ABCB11: variants seen among roughly 807,000 people sequenced by gnomAD.
ABCB11 encodes bile salt export pump.
A neutral mutation model predicts 148.0 loss-of-function variants in ABCB11; 95 were observed. The ratio of observed to expected loss-of-function variants is 0.64; its 90% CI spans 0.54 to 0.76. ABCB11 has a LOEUF of 0.76. Among genes scored for constraint, ABCB11 ranks in the 30% least tolerant of loss-of-function variants. The probability of loss-of-function intolerance (pLI) is 0.00; values close to 1 mark genes in which losing one functional copy is unlikely to be tolerated. For missense variants in ABCB11, 1,523 were observed against 1,617.8 expected (o/e 0.94, Z 1.01); for synonymous variants, 591 against 555.4 (o/e 1.06, Z -0.90).
At chr2:168,924,541 C>A in intron 27 of ABCB11, 116 bp downstream of exon 27, 1 of 999,416 alleles carries the variant, frequency 1.0e-6, no homozygotes, top group Non-Finnish European at 1.4e-6. Context: ...AAAGTATTGC[C>A]AATTTCTACT....
rs764456928 is a variant in ABCB11, at chr2:168,969,505, G to A, written c.1856C>T (p.Thr619Met). The change falls in exon 16 of 28, where the codon ACG (threonine) becomes ATG (methionine). Residue 619 changes from threonine (T) to methionine (M), a missense_variant. Coordinates refer to ENST00000650372, the MANE Select transcript of ABCB11 (RefSeq NM_003742.4). ...TIISVAHRLSTVRAADTIIGF... is the reference protein window; with the variant it reads ...TIISVAHRLSMVRAADTIIGF... ...AATGATGGTATCTGCAGCTCTGACC[G>A]TAGACAAGCGATGAGCAACTGAAAT... The A allele has an allele frequency of 2.2e-5, 35 of 1,612,316 alleles. No individual in the cohort carries two copies. Among genetic ancestry groups the A allele is most frequent in the Admixed American group, 6.7e-5 (4 of 59,798 alleles).
At chr2:168,981,636 T>C (rs1260962001) in intron 10 of ABCB11, among the ~76,000 whole-genome samples, 1 of 152,140 alleles carries the variant, frequency 6.6e-6, no homozygotes, top group Non-Finnish European at 1.5e-5. Context: ...ACACTTCTTA[T>C]GGTCCAATTT....
At chr2:168,972,777 T>A (rs1336740440) in intron 13 of ABCB11, among the ~76,000 whole-genome samples, 1 of 151,998 alleles carries the variant, frequency 6.6e-6, no homozygotes, top group Non-Finnish European at 1.5e-5. Flanking sequence ...ATCAAGGAGA[T>A]GCTGACAAGA....
At chr2:169,016,896 A>C in intron 2 of ABCB11, 97 bp from the exon 3 acceptor site, 1 of 877,242 alleles carries the variant, frequency 1.1e-6, no homozygotes, top group East Asian at 2.7e-5. Context: ...ATATTCCTAT[A>C]AATTACCTTT....
chr2:168,965,966 C>T (rs1558891161), intron 17 of ABCB11, among the ~76,000 whole-genome samples: 1 of 151,832 alleles, frequency 6.6e-6, no homozygotes, highest in Non-Finnish European at 1.5e-5. Flanking sequence ...CCTCCCTCTT[C>T]CTTGCTCTTG....
rs1558897219 is a variant in ABCB11, at chr2:168,972,068, A to G, written c.1435-18T>C. 1 of 1,606,928 alleles carries G rather than the reference A, an allele frequency of 6.2e-7. No individual in the cohort carries two copies. Among genetic ancestry groups the G allele is most frequent in the Non-Finnish European group, 8.5e-7 (1 of 1,174,752 alleles). On this transcript the variant is annotated intron_variant, in intron 13 of 27. Transcript: ENST00000650372. ...ACGGTCACCTAGAGAGCATGGGCAC[A>G]ACATCACAACTTTTGGAATCTTTCA... is the stretch of plus-strand genomic sequence containing the variant.
At position 168,935,372 on chromosome 2, in the gene ABCB11, C is replaced by T; in HGVS notation, c.2868G>A (p.Glu956=). Residue 956 remains glutamate, a synonymous_variant, in exon 23 of 28, where the codon GAG becomes GAA. Coordinates refer to ENST00000650372, the MANE Select transcript of ABCB11 (RefSeq NM_003742.4). The stretch of plus-strand genomic sequence containing the variant: ...TCTCAAGTGCTTCAATGAACCGCCT[C>T]TCCTTTCCAATTCCAGCAACAGTGC... ...NIRTVAGIGK[E]RRFIEALETE... 6.2e-7 allele frequency: 1 copy of T among 1,614,020 alleles called. No individual in the cohort carries two copies. Among genetic ancestry groups the T allele is most frequent in the African/African-American group, 1.3e-5 (1 of 75,056 alleles).
chr2:168,981,445 G>A (rs1298662498), intron 10 of ABCB11, among the ~76,000 whole-genome samples: 1 of 152,078 alleles, frequency 6.6e-6, no homozygotes, highest in Non-Finnish European at 1.5e-5. Context: ...CTGCAACACA[G>A]GGATAATGAT....
chr2:168,995,336 A>G lies in ABCB11; in HGVS notation c.611+13T>C. The G allele has an allele frequency of 1.2e-6, 2 of 1,610,612 alleles. No individual in the cohort carries two copies. Among genetic ancestry groups the G allele is most frequent in the Non-Finnish European group, 1.7e-6 (2 of 1,178,090 alleles). On this transcript the variant is annotated intron_variant, in intron 7 of 27. Transcript: ENST00000650372. ...AAATCACACACTAAAATACTGTTTT[A>G]CCAGCTACTTACTCAGAGAATCTTG...
rs1574394077 is a variant in ABCB11, at chr2:168,927,210, G to C, written c.3564C>G (p.Val1188=). Residue 1188 remains valine (V), a synonymous_variant, in exon 26 of 28, where the codon GTC becomes GTG. Coordinates refer to ENST00000650372, the MANE Select transcript of ABCB11 (RefSeq NM_003742.4). The part of the protein sequence containing the change: ...DNTKEIPMER[V]IAAAKQAQLH... ...GCTGAGCCTGTTTTGCAGCTGCTATGACTCTTTCCATGGGAATTTCTTTGG... is the reference window on the plus strand; with the variant it reads ...GCTGAGCCTGTTTTGCAGCTGCTATCACTCTTTCCATGGGAATTTCTTTGG... 6.2e-7 allele frequency: 1 copy of C among 1,613,836 alleles called. No homozygotes were observed. The highest frequency in any genetic ancestry group is 8.5e-7 in the Non-Finnish European group (1 of 1,179,800).
chr2:169,000,370 T>C (rs536688254), intron 5 of ABCB11, among the ~76,000 whole-genome samples: 1 of 152,262 alleles, frequency 6.6e-6, no homozygotes, highest in East Asian at 1.9e-4. Flanking sequence ...ACATGCTCTG[T>C]CCAGCCCTAG....
intron 23 of ABCB11, among the ~76,000 whole-genome samples, chr2:168,933,805 C>T (rs1468635625): frequency 1.3e-5 from 2 of 152,134 alleles, no homozygotes; most frequent in Non-Finnish European, 2.9e-5. Flanking sequence ...AGTGTAGTGG[C>T]ATGATCTCAG....
chr2:168,996,467 A>T (rs989563036), intron 6 of ABCB11, among the ~76,000 whole-genome samples, 168 bp downstream of exon 6: 1 of 151,994 alleles, frequency 6.6e-6, no homozygotes, highest in East Asian at 1.9e-4. Flanking sequence ...TATCCTCCTA[A>T]GTTTCCATCT....
At chr2:168,967,295 T>C (rs1693360431) in intron 17 of ABCB11, among the ~76,000 whole-genome samples, 1 of 151,908 alleles carries the variant, frequency 6.6e-6, no homozygotes, top group Admixed American at 6.6e-5. Flanking sequence ...CCAAATTCAG[T>C]AAATTCAGTC....
At chr2:168,979,817 C>A (rs767362106) in intron 11 of ABCB11, 49 bp downstream of exon 11, 3 of 1,073,212 alleles carry the variant, frequency 2.8e-6, no homozygotes, top group Non-Finnish European at 2.7e-6. Context: ...CTGTGCCCCA[C>A]CCCCCAGCCC....
At chr2:168,950,138 TATACACAC>T (rs1692495029) in intron 19 of ABCB11, among the ~76,000 whole-genome samples, 1 of 102,332 alleles carries the variant, frequency 9.8e-6, no homozygotes, top group Non-Finnish European at 2.3e-5. Context: ...CATATATATA[TATACACAC>T]ACACACACAC....
chr2:168,920,988 T>C lies in ABCB11; in HGVS notation c.*2634A>G, dbSNP rs1691059172. Among the ~76,000 whole-genome samples, 1 of 152,210 alleles carries C rather than the reference T, an allele frequency of 6.6e-6. No individual in the cohort carries two copies. Among genetic ancestry groups the C allele is most frequent in the South Asian group, 2.1e-4 (1 of 4,824 alleles). ...CTCCATAAATTCCTTTCCAGGAAAC[T>C]GGCCACCTCCCAGCACAAGAGCCTA... On this transcript the variant is annotated 3_prime_UTR_variant, in exon 28 of 28. Transcript: ENST00000650372.
chr2:169,009,702 C>A (rs1013510972), intron 5 of ABCB11, among the ~76,000 whole-genome samples: 5 of 150,918 alleles, frequency 3.3e-5, no homozygotes, highest in African/African-American at 4.9e-5. Flanking sequence ...ACATTGTGCA[C>A]ATGTACCCTA....
chr2:168,947,724 GGCATCATTCTCTTA>G (rs1473593575), intron 19 of ABCB11, among the ~76,000 whole-genome samples: 9 of 151,748 alleles, frequency 5.9e-5, no homozygotes, highest in Admixed American at 5.3e-4. Context: ...TGGTTTGTTC[GGCATCATTCTCTTA>G]GCAAATATAA....
Sources: allele counts gnomAD v4.1 joint callset (sites outside exome capture counted in the v4.1 genomes callset), GRCh38; gene constraint gnomAD v4.1.1; transcripts MANE v1.5; gene names NCBI Gene and HGNC (gene_info 2026-07-23, HGNC 2026-07-21).